The following LAPTM4B variants were observed in gnomAD, a reference collection of about 807,000 sequenced individuals.
LAPTM4B encodes lysosomal-associated transmembrane protein 4B.
Under a neutral mutation model 28.5 loss-of-function variants are expected in LAPTM4B, and 26 were observed. The ratio of observed to expected loss-of-function variants is 0.91; its 90% CI spans 0.67 to 1.27. LAPTM4B has a LOEUF of 1.27. Among genes scored for constraint, LAPTM4B ranks in the 50% most tolerant of loss-of-function variants. LAPTM4B has a pLI of 0.00. For synonymous variants in LAPTM4B, 109 were observed against 106.4 expected (o/e 1.02, Z -0.15); for missense variants, 288 against 285.8 (o/e 1.01, Z -0.06).
intron 5 of LAPTM4B, 146 bp downstream of exon 5, chr8:97,819,384 T>G: frequency 1.7e-6 from 1 of 593,170 alleles, no homozygotes; most frequent in Non-Finnish European, 3.0e-6. Flanking sequence ...TTCTTTATGC[T>G]GTCTATGTTG....
At position 97,775,804 on chromosome 8, in the gene LAPTM4B, C is replaced by T. The variant is rs779696332; in HGVS notation, c.-206C>T. ...CCCCTCCCCGTCCCCGCCGCTGCAGCGGTCGCCTTCGGAGCGAAGGGTACC... is the reference window on the plus strand; with the variant it reads ...CCCCTCCCCGTCCCCGCCGCTGCAGTGGTCGCCTTCGGAGCGAAGGGTACC... On this transcript the variant is annotated 5_prime_UTR_variant, in exon 1 of 7. Coordinates refer to ENST00000521545, the MANE Select transcript of LAPTM4B (RefSeq NM_018407.6). 4 of 1,571,452 alleles carry T rather than the reference C, an allele frequency of 2.5e-6. No homozygotes were observed. The highest frequency in any genetic ancestry group is 2.6e-6 in the Non-Finnish European group (3 of 1,165,590).
intron 1 of LAPTM4B, among the ~76,000 whole-genome samples, chr8:97,791,125 C>T (rs1054608388): frequency 1.3e-5 from 2 of 152,094 alleles, no homozygotes; most frequent in African/African-American, 4.8e-5. Flanking sequence ...AGTCTGGTCT[C>T]GAGCTTCTGG....
intron 5 of LAPTM4B, among the ~76,000 whole-genome samples, chr8:97,820,511 G>C (rs939556940): frequency 3.3e-5 from 5 of 152,018 alleles, no homozygotes; most frequent in African/African-American, 9.7e-5. Context: ...TGGGAAAGCT[G>C]CATTGAGGCA....
intron 6 of LAPTM4B, among the ~76,000 whole-genome samples, chr8:97,846,881 T>C (rs999972490): frequency 1.3e-5 from 2 of 152,178 alleles, no homozygotes; most frequent in Non-Finnish European, 2.9e-5. Context: ...ATTATTAATG[T>C]CTTGTGGATT....
At chr8:97,808,680 G>A (rs6468594) in intron 2 of LAPTM4B, among the ~76,000 whole-genome samples, 68,669 of 151,882 alleles carry the variant, frequency 0.45, 15,990 homozygotes, top group East Asian at 0.58. Flanking sequence ...GACTGGGTGC[G>A]GTGGCTCACA....
Position 97,823,344 on chromosome 8 carries a change from G to GTT in LAPTM4B, c.508-1704_508-1703dup, listed in dbSNP as rs10561869. Among the ~76,000 whole-genome samples the GTT allele has an allele frequency of 1.9e-3, 205 of 109,118 alleles. 1 individual carries two copies. The highest frequency in any genetic ancestry group is 2.7e-3 in the Non-Finnish European group (137 of 50,172). The allele number at this position is 109,118 out of a possible 152,430, so 71.6% of individuals were successfully genotyped here. A position where few individuals can be genotyped will look rare whatever the true frequency, so the allele number is the denominator to read the frequency against. On this transcript the variant is annotated intron_variant, in intron 5 of 6. Coordinates refer to ENST00000521545, the MANE Select transcript of LAPTM4B (RefSeq NM_018407.6). ...GCGAATACAATCATCATACAATATG[G>GTT]TTTTTTTTTTTGTTTTTTTTTTGTT...
chr8:97,835,888 C>G (rs371529019), intron 6 of LAPTM4B, among the ~76,000 whole-genome samples: 4 of 57,320 alleles, frequency 7.0e-5, no homozygotes, highest in African/African-American at 1.1e-4. Flanking sequence ...GAGCAGCGGG[C>G]GCGGGCAAGC....
intron 6 of LAPTM4B, among the ~76,000 whole-genome samples, chr8:97,827,632 A>C (rs969306541): frequency 2.8e-4 from 43 of 152,142 alleles, no homozygotes; most frequent in African/African-American, 9.7e-4. Context: ...TGAGCCCTTA[A>C]CCTGTGGGAT....
intron 6 of LAPTM4B, among the ~76,000 whole-genome samples, chr8:97,836,506 T>C (rs938835604): frequency 6.6e-5 from 10 of 152,244 alleles, no homozygotes; most frequent in South Asian, 2.1e-4. Flanking sequence ...AAAAAGTATT[T>C]CTTAAACCTA....
chr8:97,792,817 A>G (rs1042575442), intron 1 of LAPTM4B, among the ~76,000 whole-genome samples: 2 of 151,994 alleles, frequency 1.3e-5, no homozygotes, highest in Non-Finnish European at 2.9e-5. Flanking sequence ...ACCTCAAGTG[A>G]TCCGCCCTCC....
At chr8:97,805,498 A>G in intron 2 of LAPTM4B, 34 bp downstream of exon 2, 1 of 1,178,514 alleles carries the variant, frequency 8.5e-7, no homozygotes, top group Non-Finnish European at 1.3e-6. Flanking sequence ...TTTCAAGGGC[A>G]GGGAATCTGA....
intron 4 of LAPTM4B, 136 bp downstream of exon 4, chr8:97,816,316 C>CTTT (rs1194257373): frequency 5.1e-5 from 37 of 725,446 alleles, no homozygotes; most frequent in South Asian, 6.7e-5. Flanking sequence ...TAGGAAATTT[C>CTTT]TTTTTTCTTT....
At chr8:97,803,710 G>T (rs746985614) in intron 1 of LAPTM4B, among the ~76,000 whole-genome samples, 1 of 152,050 alleles carries the variant, frequency 6.6e-6, no homozygotes, top group Non-Finnish European at 1.5e-5. Context: ...GTGCAGTGGC[G>T]CATCAGCTCA....
chr8:97,812,224 T>G (rs1816843848), intron 2 of LAPTM4B, among the ~76,000 whole-genome samples: 1 of 44,246 alleles, frequency 2.3e-5, no homozygotes, highest in Non-Finnish European at 1.4e-4. Context: ...TTTGTTGTTT[T>G]TTGTTTTTTT....
At chr8:97,828,415 A>G (rs1394881575) in intron 6 of LAPTM4B, among the ~76,000 whole-genome samples, 1 of 152,178 alleles carries the variant, frequency 6.6e-6, no homozygotes, top group African/African-American at 2.4e-5. Flanking sequence ...CAGAGAGATT[A>G]GCCTGAAAAG....
intron 6 of LAPTM4B, among the ~76,000 whole-genome samples, chr8:97,833,311 C>A (rs1223256593): frequency 6.6e-6 from 1 of 152,102 alleles, no homozygotes; most frequent in East Asian, 1.9e-4. Context: ...TGAGATTGCG[C>A]CATTGCATTC....
intron 1 of LAPTM4B, among the ~76,000 whole-genome samples, chr8:97,795,938 T>G (rs1816574551): frequency 1.3e-5 from 2 of 149,622 alleles, no homozygotes; most frequent in South Asian, 4.3e-4. Context: ...CAATCACACC[T>G]CCTCTTGATT....
intron 1 of LAPTM4B, among the ~76,000 whole-genome samples, chr8:97,781,676 G>T (rs1317545756): frequency 6.6e-6 from 1 of 152,174 alleles, no homozygotes; most frequent in Non-Finnish European, 1.5e-5. Flanking sequence ...AAGTTCCCTT[G>T]TGCTGTTTCC....
At chr8:97,830,382 G>A (rs1224251868) in intron 6 of LAPTM4B, among the ~76,000 whole-genome samples, 1 of 152,158 alleles carries the variant, frequency 6.6e-6, no homozygotes, top group East Asian at 1.9e-4. Context: ...GGCACCTTGA[G>A]GGTGAGACCA....
Sources: gnomAD v4.1 joint callset for allele counts (sites outside exome capture counted in the v4.1 genomes callset) on GRCh38, gnomAD v4.1.1 for gene constraint, MANE v1.5 for transcripts, NCBI Gene and HGNC (gene_info 2026-07-23, HGNC 2026-07-21) for gene names.